ADCK5: variants seen among roughly 807,000 people sequenced by gnomAD.
ADCK5 encodes the protein uncharacterized aarF domain-containing protein kinase 5.
ADCK5 carries 43 observed loss-of-function variants against 64.9 expected under a neutral mutation model. That is an observed-to-expected ratio of 0.66 (90% CI 0.52 to 0.85). ADCK5 has a LOEUF of 0.85. Ranked by LOEUF, ADCK5 falls within the 40% of genes least tolerant of loss-of-function variation. The probability of loss-of-function intolerance (pLI) is 0.00; values close to 1 mark genes in which losing one functional copy is unlikely to be tolerated. For missense variants in ADCK5, 760 were observed against 810.5 expected, an observed-to-expected ratio of 0.94 and a Z score of 0.76; for synonymous variants, 434 against 342.8, an observed-to-expected ratio of 1.27 and a Z score of -2.94.
At position 144,391,448 on chromosome 8, in the gene ADCK5, A is replaced by C; in HGVS notation, c.772A>C (p.Ser258Arg). The C allele has an allele frequency of 6.2e-7, 1 of 1,612,206 alleles. No individual in the cohort carries two copies. The highest frequency in any genetic ancestry group is 8.5e-7 in the Non-Finnish European group (1 of 1,179,842). Residue 258 changes from serine to arginine, a missense_variant, in exon 7 of 15, where the codon AGC (serine) becomes CGC (arginine). Coordinates refer to ENST00000308860, the MANE Select transcript of ADCK5 (RefSeq NM_174922.5). ...LLRLVEVMHP[S>R]FGFSWVLQDL... ...GCGGCTCGTTGAGGTCATGCACCCC[A>C]GCTTTGGCTTCAGCTGGGTCCTCCA...
intron 3 of ADCK5, 68 bp downstream of exon 3, chr8:144,383,298 C>G (rs2130704869): frequency 6.8e-7 from 1 of 1,467,022 alleles, no homozygotes; most frequent in Non-Finnish European, 9.1e-7. Context: ...GCAGGATTGC[C>G]TGCTCCAGAT....
chr8:144,379,464 G>C lies in ADCK5; in HGVS notation c.90G>C (p.Arg30Ser), dbSNP rs1235249705. The C allele has an allele frequency of 1.2e-6, 2 of 1,608,114 alleles. No homozygotes were observed. The highest frequency in any genetic ancestry group is 1.3e-5 in the African/African-American group (1 of 74,784). ...GGCCGTCCCCTGCTGTGTTCTTCAG[G>C]AGAAACGTCAGGGGCCTTCCTCCAA... is the stretch of plus-strand genomic sequence containing the variant. Reference protein sequence around the residue: ...KPWPSPAVFFRRNVRGLPPRF... With the variant: ...KPWPSPAVFFSRNVRGLPPRF... Residue 30 changes from arginine (R) to serine (S), a missense_variant, in exon 2 of 15, where the codon AGG becomes AGC. Arg to Ser is a moderately radical substitution (Grantham distance 110). Transcript: ENST00000308860.
At chr8:144,382,606 G>A (rs1205376524) in intron 2 of ADCK5, among the ~76,000 whole-genome samples, 1 of 152,220 alleles carries the variant, frequency 6.6e-6, no homozygotes, top group Non-Finnish European at 1.5e-5. Flanking sequence ...TCAATATGGG[G>A]CAAGCTCTGT....
Position 144,392,172 on chromosome 8 carries a change from T to C in ADCK5, c.1175+2T>C. 5 of 1,444,742 alleles carry C rather than the reference T, an allele frequency of 3.5e-6. No homozygotes were observed. The highest frequency in any genetic ancestry group is 4.6e-6 in the Non-Finnish European group (5 of 1,087,662). The allele number at this position is 1,444,742 out of a possible 1,614,324, so 89.5% of individuals were successfully genotyped here. A position where few individuals can be genotyped will look rare whatever the true frequency, so the allele number is the denominator to read the frequency against. ...GCTCTACCAGTTCCTGGAGGAGAAG[T>C]GAGCGCGGGTGGGTGGGCGTGGGGC... On this transcript the variant is annotated splice_donor_variant, in intron 11 of 14. Transcript: ENST00000308860. LOFTEE classifies it high-confidence loss of function.
chr8:144,391,559 C>T, intron 7 of ADCK5, 21 bp from the exon 8 acceptor site: 1 of 1,583,314 alleles, frequency 6.3e-7, no homozygotes. Flanking sequence ...AGCTGGTCTT[C>T]AACCGCCATC....
rs1305118137 is a variant in ADCK5, at chr8:144,392,985, A to G, written c.1654A>G (p.Met552Val). 13 of 1,588,928 alleles carry G rather than the reference A, an allele frequency of 8.2e-6. No individual in the cohort carries two copies. Among genetic ancestry groups the G allele is most frequent in the African/African-American group, 1.3e-5 (1 of 74,684 alleles). Residue 552 changes from methionine to valine, a missense_variant, in exon 15 of 15, where the codon ATG becomes GTG. Met to Val is a conservative substitution (Grantham distance 21). This residue lies in a region of ADCK5 where 333 missense variants were observed against 292.0 expected (regional missense o/e 1.14). Coordinates refer to ENST00000308860, the MANE Select transcript of ADCK5 (RefSeq NM_174922.5). ...CCCACGCAGGCTGGAGACCTTGGCC[A>G]TGCGGCTGACCGCCCTCCTGGCTCG... ...EVALRLETLA[M>V]RLTALLARAL...
chr8:144,391,955 C>T lies in ADCK5; in HGVS notation c.1029C>T (p.Leu343=). The part of the protein sequence containing the change: ...GLAVHDIAEK[L]IKAFAEQIFY... ...CCTCTCCCCAGATAGCAGAAAAGCTCATCAAGGCCTTTGCTGAGCAGATAT... is the reference window on the plus strand; with the variant it reads ...CCTCTCCCCAGATAGCAGAAAAGCTTATCAAGGCCTTTGCTGAGCAGATAT... The change falls in exon 10 of 15, where the codon CTC becomes CTT. Residue 343 remains leucine, a synonymous_variant. Transcript: ENST00000308860. 7 of 1,612,698 alleles carry T rather than the reference C, an allele frequency of 4.3e-6. No homozygotes were observed. Among genetic ancestry groups the T allele is most frequent in the Non-Finnish European group, 5.9e-6 (7 of 1,179,978 alleles).
At chr8:144,393,242 A>ATGTT (rs1333444544), downstream of ADCK5, 2 of 1,413,564 alleles carry the variant, frequency 1.4e-6, no homozygotes, top group African/African-American at 2.9e-5. Flanking sequence ...CAAGCAAAAA[A>ATGTT]TGTTTTTCCT....
rs1309705504 is a variant in ADCK5, at chr8:144,391,355, G to C, written c.685-6G>C. 1 of 1,613,110 alleles carries C rather than the reference G, an allele frequency of 6.2e-7. No homozygotes were observed. The highest frequency in any genetic ancestry group is 2.2e-5 in the East Asian group (1 of 44,870). ...CAAGTTCTCACCACACCCTCGCCCA[G>C]TGCAGGTGCAGTACATCGACCTGCG... On this transcript the variant is annotated splice_region_variant and splice_polypyrimidine_tract_variant and intron_variant, in intron 6 of 14. Transcript: ENST00000308860.
Position 144,391,395 on chromosome 8 carries a change from G to C in ADCK5, c.719G>C (p.Gly240Ala). The C allele has an allele frequency of 6.2e-7, 1 of 1,613,244 alleles. No homozygotes were observed. The highest frequency in any genetic ancestry group is 8.5e-7 in the Non-Finnish European group (1 of 1,180,014). ...QYIDLRDRFDGDIHTLELLLR... is the reference protein window; with the variant it reads ...QYIDLRDRFDADIHTLELLLR... ...ATCGACCTGCGGGACCGCTTTGATG[G>C]GGACATCCACACCCTGGAGCTCCTG... The change falls in exon 7 of 15, where the codon GGG (glycine) becomes GCG (alanine). Residue 240 changes from glycine (G) to alanine (A), a missense_variant. Around this residue, in one of 2 missense-constraint regions of ADCK5, gnomAD observed 427 missense variants for 518.4 expected, o/e 0.82. Coordinates refer to ENST00000308860, the MANE Select transcript of ADCK5 (RefSeq NM_174922.5).
Position 144,393,174 on chromosome 8 carries a change from C to T in ADCK5, c.*100C>T. The T allele has an allele frequency of 1.5e-6, 2 of 1,357,536 alleles. No homozygotes were observed. Among genetic ancestry groups the T allele is most frequent in the Non-Finnish European group, 2.0e-6 (2 of 1,017,950 alleles). 84.1% of individuals were successfully genotyped at this position (1,357,536 alleles called of 1,614,324 possible). A position where few individuals can be genotyped will look rare whatever the true frequency, so the allele number is the denominator to read the frequency against. ...ACCCCGAGCCCCGTGGGCACTCGCA[C>T]TGGGGGGCTGTGACAGCAGCTGGGC... On this transcript the variant is annotated 3_prime_UTR_variant, in exon 15 of 15. Coordinates refer to ENST00000308860, the MANE Select transcript of ADCK5 (RefSeq NM_174922.5).
chr8:144,383,798 C>T (rs546373449), intron 3 of ADCK5, among the ~76,000 whole-genome samples: 1 of 152,210 alleles, frequency 6.6e-6, no homozygotes, highest in African/African-American at 2.4e-5. Context: ...TTGTCAGATC[C>T]CGGAATTCCT....
rs1165874153 is a variant in ADCK5, at chr8:144,392,302, C to T, written c.1224C>T (p.Asp408=). 2.7e-6 allele frequency: 4 copies of T among 1,505,262 alleles called. No individual in the cohort carries two copies. The highest frequency in any genetic ancestry group is 3.5e-6 in the Non-Finnish European group (4 of 1,130,192). The allele number at this position is 1,505,262 out of a possible 1,614,324, so 93.2% of individuals were successfully genotyped here. A position where few individuals can be genotyped will look rare whatever the true frequency, so the allele number is the denominator to read the frequency against. The change falls in exon 12 of 15, where the codon GAC becomes GAT. Residue 408 remains aspartate (D), a synonymous_variant. Transcript: ENST00000308860. ...TGTGGCGGGCCATCATCCTGCGGGA[C>T]GACGCCGCCATGAGGGCGCACGCAG... ...CQLWRAIILR[D]DAAMRAHAAA...
intron 2 of ADCK5, among the ~76,000 whole-genome samples, chr8:144,380,187 T>A (rs1169043625): frequency 6.7e-6 from 1 of 148,946 alleles, no homozygotes; most frequent in Non-Finnish European, 1.5e-5. Context: ...GGGCCGGGTG[T>A]AGAAACAGAT....
intron 3 of ADCK5, among the ~76,000 whole-genome samples, chr8:144,390,281 C>T (rs567268716): frequency 2.0e-5 from 3 of 152,326 alleles, no homozygotes; most frequent in African/African-American, 7.2e-5. Context: ...TGTGCACCAC[C>T]GTGCCTGCCT....
At chr8:144,385,889 G>A (rs556561987) in intron 3 of ADCK5, among the ~76,000 whole-genome samples, 23 of 151,034 alleles carry the variant, frequency 1.5e-4, no homozygotes, top group African/African-American at 3.6e-4. Context: ...GCGTGAACCC[G>A]GGAGGCGGAG....
chr8:144,390,775 G>T (rs1187549037), intron 4 of ADCK5, 29 bp downstream of exon 4: 2 of 1,611,470 alleles, frequency 1.2e-6, no homozygotes, highest in Non-Finnish European at 1.7e-6. Context: ...GGCACACAGT[G>T]GTGGGCATGA....
intron 1 of ADCK5, among the ~76,000 whole-genome samples, chr8:144,378,783 G>A (rs1400979061): frequency 2.6e-5 from 4 of 151,946 alleles, no homozygotes; most frequent in African/African-American, 9.7e-5. Context: ...GGGGGCTGGG[G>A]CAAGAGAATC....
Position 144,391,682 on chromosome 8 carries a change from C to G in ADCK5, c.901C>G (p.Pro301Ala), listed in dbSNP as rs782801751. The G allele has an allele frequency of 2.9e-5, 45 of 1,541,146 alleles. No individual in the cohort carries two copies. Among genetic ancestry groups the G allele is most frequent in the Non-Finnish European group, 3.7e-5 (42 of 1,147,590 alleles). Residue 301 changes from proline to alanine, a missense_variant, in exon 8 of 15, where the codon CCC (proline) becomes GCC (alanine). This residue lies in a region of ADCK5 where 427 missense variants were observed against 518.4 expected (regional missense o/e 0.82). Transcript: ENST00000308860. ...ELAHFPYVVVPRVHWDKSSKR... is the reference protein window; with the variant it reads ...ELAHFPYVVVARVHWDKSSKR... Reference sequence around the variant, plus strand: ...GGCGCACTTCCCCTACGTCGTGGTGCCCCGCGTGCACTGGGACAAGTCCAG... The same window carrying G: ...GGCGCACTTCCCCTACGTCGTGGTGGCCCGCGTGCACTGGGACAAGTCCAG...
Sources: allele counts gnomAD v4.1 joint callset (sites outside exome capture counted in the v4.1 genomes callset), GRCh38; gene constraint gnomAD v4.1.1; regional missense constraint gnomAD v4.1.1; transcripts MANE v1.5; gene names NCBI Gene and HGNC (gene_info 2026-07-23, HGNC 2026-07-21).